Variants in SURF2 observed in about 807,000 individuals in gnomAD.
SURF2 encodes surfeit 2.
SURF2 carries 32 observed loss-of-function variants against 26.2 expected under a neutral mutation model. The observed-to-expected ratio is 1.22, with a 90% CI of 0.92 to 1.64. The LOEUF (loss-of-function observed/expected upper bound fraction) is 1.64. Ranked by LOEUF, SURF2 falls within the 40% of genes most tolerant of loss-of-function variation. The pLI is 0.00. For missense variants in SURF2, 415 were observed against 341.6 expected (o/e 1.21, Z -1.69); for synonymous variants, 173 against 139.1 (o/e 1.24, Z -1.71).
Position 133,356,605 on chromosome 9 carries a change from C to G in SURF2, c.13C>G (p.Pro5Ala). 1 of 1,524,956 alleles carries G rather than the reference C, an allele frequency of 6.6e-7. No individual in the cohort carries two copies. Among genetic ancestry groups the G allele is most frequent in the South Asian group, 1.2e-5 (1 of 83,234 alleles). The allele number at this position is 1,524,956 out of a possible 1,614,324, so 94.5% of individuals were successfully genotyped here. A position where few individuals can be genotyped will look rare whatever the true frequency, so the allele number is the denominator to read the frequency against. The change falls in exon 1 of 6, where the codon CCG becomes GCG. Residue 5 changes from proline to alanine, a missense_variant. Physicochemically the swap from Pro to Ala is conservative, Grantham distance 27. Transcript: ENST00000371964. ...GGGCGCGTCGGCCATGAGCGAGTTG[C>G]CGGGCGACGTGCGGGCGTTTCTGCG... The part of the protein sequence containing the change: MSEL[P>A]GDVRAFLREH...
Position 133,358,401 on chromosome 9 carries a change from A to T in SURF2, c.337+587A>T, listed in dbSNP as rs2130039584. ...CTTGACTGCGGTCATCCAGGAAAAG[A>T]CGGTGGGTTTTGGGGGGAGAATTCA... On this transcript the variant is annotated intron_variant, in intron 3 of 5. Coordinates refer to ENST00000371964, the MANE Select transcript of SURF2 (RefSeq NM_017503.5). Among the ~76,000 whole-genome samples, 322 of 152,188 alleles carry T rather than the reference A, an allele frequency of 2.1e-3. 1 individual carries two copies. The highest frequency in any genetic ancestry group is 3.5e-3 in the South Asian group (17 of 4,822).
At chr9:133,358,096 C>T (rs1836658023) in intron 3 of SURF2, among the ~76,000 whole-genome samples, 1 of 152,016 alleles carries the variant, frequency 6.6e-6, no homozygotes. Flanking sequence ...CTTGCGGAGA[C>T]AGGAGGGCTG....
In SURF2 at chr9:133,359,951, T is replaced by A. The variant is rs1402766730; in HGVS notation, c.339T>A (p.Tyr113Ter). ...AGCACGTGCTGGCTTATCTCCCAGATGAAGAATGTCAGAAGCAAGGGGTGG... is the reference window on the plus strand; with the variant it reads ...AGCACGTGCTGGCTTATCTCCCAGAAGAAGAATGTCAGAAGCAAGGGGTGG... ...GRRYQRALCK[Y>*]EECQKQGVEY... Residue 113 changes from tyrosine (Y) to a stop codon, truncating the protein, a stop_gained and splice_region_variant, in exon 4 of 6, where the codon TAT becomes TAA. Coordinates refer to ENST00000371964, the MANE Select transcript of SURF2 (RefSeq NM_017503.5). LOFTEE classifies it high-confidence loss of function. The A allele has an allele frequency of 1.2e-6, 2 of 1,607,720 alleles. No individual in the cohort carries two copies. The highest frequency in any genetic ancestry group is 1.3e-5 in the African/African-American group (1 of 74,816).
chr9:133,360,791 T>G (rs1836753317), intron 5 of SURF2, among the ~76,000 whole-genome samples: 1 of 152,232 alleles, frequency 6.6e-6, no homozygotes, highest in South Asian at 2.1e-4. Flanking sequence ...GAGTGGAGAC[T>G]TCCCCGCCTT....
intron 3 of SURF2, among the ~76,000 whole-genome samples, chr9:133,359,678 C>T (rs2130043424): frequency 3.2e-4 from 48 of 152,362 alleles, no homozygotes; most frequent in Non-Finnish European, 3.7e-4. Context: ...CCCTCCTAGC[C>T]GTGGCTTCCT....
intron 2 of SURF2, 97 bp downstream of exon 2, chr9:133,357,165 G>T: frequency 7.3e-7 from 1 of 1,378,258 alleles, no homozygotes; most frequent in South Asian, 1.6e-5. Context: ...TTTCAGAGTT[G>T]GGAGCCCTGG....
intron 1 of SURF2, 115 bp downstream of exon 1, chr9:133,356,785 AGAG>A (rs1836611185): frequency 5.4e-6 from 6 of 1,105,978 alleles, no homozygotes; most frequent in Non-Finnish European, 7.4e-6. Context: ...GGAGAGCAGG[AGAG>A]AGGGGAGGGC....
At position 133,357,791 on chromosome 9, in the gene SURF2, G is replaced by A. The variant is rs2130036660; in HGVS notation, c.314G>A (p.Arg105Gln). 18 of 1,613,504 alleles carry A rather than the reference G, an allele frequency of 1.1e-5. No individual in the cohort carries two copies. In the Admixed American group the frequency reaches 2.2e-4, roughly 19 times the overall value. Residue 105 changes from arginine (R) to glutamine (Q), a missense_variant, in exon 3 of 6, where the codon CGG (arginine) becomes CAG (glutamine). Coordinates refer to ENST00000371964, the MANE Select transcript of SURF2 (RefSeq NM_017503.5). ...GTGCTGAGGCACACCCAGGGCCGGC[G>A]GTACCAGCGAGCTCTGTGTAAATGT... The part of the protein sequence containing the change: ...EHVLRHTQGR[R>Q]YQRALCKYEE...
chr9:133,357,535 C>T (rs2130034719), intron 2 of SURF2, among the ~76,000 whole-genome samples, 176 bp from the exon 3 acceptor site: 4 of 152,192 alleles, frequency 2.6e-5, no homozygotes, highest in Non-Finnish European at 4.4e-5. Flanking sequence ...AGGCTGCAGT[C>T]GGCCTGGGTC....
intron 3 of SURF2, among the ~76,000 whole-genome samples, chr9:133,358,489 G>A (rs1007810469): frequency 3.3e-5 from 5 of 152,116 alleles, no homozygotes; most frequent in Non-Finnish European, 5.9e-5. Flanking sequence ...GGGAAGTATC[G>A]GGCTTTTGAA....
At position 133,357,795 on chromosome 9, in the gene SURF2, C is replaced by A. The variant is rs1035194955; in HGVS notation, c.318C>A (p.Tyr106Ter). Residue 106 changes from tyrosine to a stop codon, truncating the protein, a stop_gained, in exon 3 of 6, where the codon TAC (tyrosine) becomes TAA (stop). Coordinates refer to ENST00000371964, the MANE Select transcript of SURF2 (RefSeq NM_017503.5). LOFTEE classifies it high-confidence loss of function. Reference protein sequence around the residue: ...HVLRHTQGRRYQRALCKYEEC... With the variant: ...HVLRHTQGRR Reference sequence around the variant, plus strand: ...TGAGGCACACCCAGGGCCGGCGGTACCAGCGAGCTCTGTGTAAATGTAAGT... The same window carrying A: ...TGAGGCACACCCAGGGCCGGCGGTAACAGCGAGCTCTGTGTAAATGTAAGT... 6.2e-7 allele frequency: 1 copy of A among 1,613,590 alleles called. No homozygotes were observed. Among genetic ancestry groups the A allele is most frequent in the Non-Finnish European group, 8.5e-7 (1 of 1,180,020 alleles).
At chr9:133,360,536 C>A in intron 5 of SURF2, 102 bp downstream of exon 5, 1 of 1,350,024 alleles carries the variant, frequency 7.4e-7, no homozygotes, top group Non-Finnish European at 9.8e-7. Context: ...CAAGTGAAAT[C>A]CCAAGCCAAC....
Position 133,356,910 on chromosome 9 carries a change from G to C in SURF2, c.79-4G>C. 1.3e-6 allele frequency: 2 copies of C among 1,548,134 alleles called. No individual in the cohort carries two copies. Among genetic ancestry groups the C allele is most frequent in the Non-Finnish European group, 1.7e-6 (2 of 1,145,956 alleles). On this transcript the variant is annotated splice_region_variant and splice_polypyrimidine_tract_variant and intron_variant, in intron 1 of 5. Transcript: ENST00000371964. ...TGACGTCCTGCCCGCCCACGCGTCCGCAGGTGAGGTGCATCCTGACAGGTC... is the reference window on the plus strand; with the variant it reads ...TGACGTCCTGCCCGCCCACGCGTCCCCAGGTGAGGTGCATCCTGACAGGTC...
rs2130031641 is a variant in SURF2 at position 133,356,975 on chromosome 9, C to G, written c.140C>G (p.Thr47Ser). 34 of 1,571,364 alleles carry G rather than the reference C, an allele frequency of 2.2e-5. No homozygotes were observed. Among genetic ancestry groups the G allele is most frequent in the Non-Finnish European group, 2.8e-5 (32 of 1,158,904 alleles). The stretch of plus-strand genomic sequence containing the variant: ...CGCCTGCCGGAGCTCCAGGTCTACA[C>G]CCGCGGCAAAAAGTACCAGCGGCTG... Reference protein sequence around the residue: ...PCRLPELQVYTRGKKYQRLVR... With the variant: ...PCRLPELQVYSRGKKYQRLVR... The change falls in exon 2 of 6, where the codon ACC becomes AGC. Residue 47 changes from threonine to serine, a missense_variant. Transcript: ENST00000371964.
chr9:133,360,232 A>G (rs2130049044), intron 4 of SURF2, 33 bp from the exon 5 acceptor site: 8 of 1,607,876 alleles, frequency 5.0e-6, no homozygotes, highest in Non-Finnish European at 6.8e-6. Flanking sequence ...TCAGCCTAAA[A>G]TAACTGTCAG....
chr9:133,359,413 A>G lies in SURF2; in HGVS notation c.338-537A>G, dbSNP rs2130042080. Among the ~76,000 whole-genome samples, 298 of 152,306 alleles carry G rather than the reference A, an allele frequency of 2.0e-3. 1 individual carries two copies. The highest frequency in any genetic ancestry group is 6.9e-3 in the African/African-American group (286 of 41,572). ...GCCCCAGCAGACCCTCCAATATACAAGGGGACAACGGTGGTGACTCCAGTG... is the reference window on the plus strand; with the variant it reads ...GCCCCAGCAGACCCTCCAATATACAGGGGGACAACGGTGGTGACTCCAGTG... On this transcript the variant is annotated intron_variant, in intron 3 of 5. Transcript: ENST00000371964.
chr9:133,357,958 G>C (rs2130037728), intron 3 of SURF2, 144 bp downstream of exon 3: 1 of 757,606 alleles, frequency 1.3e-6, no homozygotes, highest in East Asian at 2.7e-5. Flanking sequence ...GTGAAGAGAG[G>C]GATGATGGCC....
chr9:133,358,882 G>A (rs1198028534), intron 3 of SURF2, among the ~76,000 whole-genome samples: 1 of 152,190 alleles, frequency 6.6e-6, no homozygotes, highest in East Asian at 1.9e-4. Flanking sequence ...GGGAAGATGC[G>A]TCTACGGGCT....
chr9:133,359,821 T>C, intron 3 of SURF2, 129 bp from the exon 4 acceptor site: 3 of 1,122,900 alleles, frequency 2.7e-6, no homozygotes, highest in Non-Finnish European at 3.7e-6. Flanking sequence ...ACCCAGCAGC[T>C]GCTCTGGTTT....
Sources: gnomAD v4.1 joint callset for allele counts (sites outside exome capture counted in the v4.1 genomes callset) on GRCh38, gnomAD v4.1.1 for gene constraint, MANE v1.5 for transcripts, NCBI Gene and HGNC (gene_info 2026-07-23, HGNC 2026-07-21) for gene names.